CLVS1: variants seen among roughly 807,000 people sequenced by gnomAD.
CLVS1 encodes clavesin-1.
In CLVS1, 10 loss-of-function variants were observed where a neutral mutation model predicts 33.1. The ratio of observed to expected loss-of-function variants is 0.30; its 90% CI spans 0.19 to 0.51. The LOEUF is 0.51. CLVS1 is among the 20% of genes least tolerant of loss of function. The pLI is 0.97. For missense variants in CLVS1, 343 were observed against 433.4 expected, an observed-to-expected ratio of 0.79 and a Z score of 1.85; for synonymous variants, 163 against 166.1, an observed-to-expected ratio of 0.98 and a Z score of 0.14.
chr8:61,273,895 A>T (rs910577885), intron 2 of CLVS1: 1 of 158,598 alleles, frequency 6.3e-6, no homozygotes, highest in South Asian at 2.0e-4. Context: ...ACTGTCTGGC[A>T]CTCTCTAGTG....
chr8:61,268,714 T>C (rs199797719), intron 2 of CLVS1, among the ~76,000 whole-genome samples: 31,330 of 130,904 alleles, frequency 0.24, 4,307 homozygotes, highest in Non-Finnish European at 0.32. Context: ...CCATTCTAAC[T>C]GGTGTGAGAT....
At chr8:61,129,734 G>T (rs1806052098) in intron 1 of CLVS1, among the ~76,000 whole-genome samples, 1 of 152,134 alleles carries the variant, frequency 6.6e-6, no homozygotes, top group African/African-American at 2.4e-5. Context: ...ATCAGTGAAG[G>T]CTTTGCCCTG....
At chr8:61,367,156 C>A (rs1409697352) in intron 2 of CLVS1, among the ~76,000 whole-genome samples, 1 of 152,140 alleles carries the variant, frequency 6.6e-6, no homozygotes, top group Non-Finnish European at 1.5e-5. Context: ...AGCTGCTCGA[C>A]TCCAGTCCCC....
At chr8:61,419,252 C>T (rs2129604522) in intron 3 of CLVS1, among the ~76,000 whole-genome samples, 1 of 151,916 alleles carries the variant, frequency 6.6e-6, no homozygotes, top group African/African-American at 2.4e-5. Flanking sequence ...CGAAAATTAG[C>T]TGGGCATGGT....
intron 3 of CLVS1, among the ~76,000 whole-genome samples, chr8:61,379,092 C>A (rs1176294799): frequency 6.6e-6 from 1 of 152,176 alleles, no homozygotes; most frequent in Non-Finnish European, 1.5e-5. Context: ...CTCCCATGCA[C>A]CCTCAGAGAG....
intron 3 of CLVS1, among the ~76,000 whole-genome samples, chr8:61,442,287 T>A (rs1816580786): frequency 6.6e-6 from 1 of 152,230 alleles, no homozygotes; most frequent in Non-Finnish European, 1.5e-5. Flanking sequence ...TTGTTCTTTT[T>A]TATTGCCAAG....
intron 1 of CLVS1, among the ~76,000 whole-genome samples, chr8:61,070,878 A>G (rs1244057721): frequency 2.6e-5 from 4 of 152,172 alleles, no homozygotes; most frequent in Non-Finnish European, 5.9e-5. Flanking sequence ...TTGAAGGAGC[A>G]CCTATGAGTC....
chr8:61,360,808 T>G (rs1812942637), intron 2 of CLVS1, among the ~76,000 whole-genome samples: 1 of 152,358 alleles, frequency 6.6e-6, no homozygotes, highest in Middle Eastern at 3.4e-3. Flanking sequence ...GCTTAAATAA[T>G]AAGCAATAAA....
At chr8:61,413,747 A>G (rs757073164) in intron 3 of CLVS1, among the ~76,000 whole-genome samples, 90 of 152,202 alleles carry the variant, frequency 5.9e-4, no homozygotes, top group Non-Finnish European at 1.0e-3. Context: ...TAGACAAGGA[A>G]CAAATCTGTG....
intron 5 of CLVS1, among the ~76,000 whole-genome samples, chr8:61,488,647 C>A (rs1803960688): frequency 6.6e-6 from 1 of 152,158 alleles, no homozygotes; most frequent in Non-Finnish European, 1.5e-5. Flanking sequence ...GAGCTCCAAG[C>A]ACTTTATTGT....
upstream of CLVS1, among the ~76,000 whole-genome samples, chr8:61,284,306 T>G (rs986604733): frequency 6.6e-6 from 1 of 152,210 alleles, no homozygotes; most frequent in African/African-American, 2.4e-5. Context: ...TCCACTGCTA[T>G]AGCAGAATGA....
At chr8:61,341,751 G>A (rs1186381938) in intron 2 of CLVS1, among the ~76,000 whole-genome samples, 1 of 152,206 alleles carries the variant, frequency 6.6e-6, no homozygotes, top group Non-Finnish European at 1.5e-5. Context: ...AGGTGGAGGT[G>A]AAAGCCAGGG....
At chr8:61,287,362 T>A (rs1490106962), upstream of CLVS1, among the ~76,000 whole-genome samples, 1 of 152,218 alleles carries the variant, frequency 6.6e-6, no homozygotes, top group African/African-American at 2.4e-5. Context: ...GTTTCTCTTA[T>A]ATGTGATACT....
intron 2 of CLVS1, among the ~76,000 whole-genome samples, chr8:61,190,496 T>C (rs924686102): frequency 3.3e-5 from 5 of 152,158 alleles, no homozygotes; most frequent in Non-Finnish European, 5.9e-5. Flanking sequence ...ATTCAAAAGC[T>C]AGCAGAAGAC....
chr8:61,125,152 A>C (rs1248134485), intron 1 of CLVS1, among the ~76,000 whole-genome samples: 1 of 152,200 alleles, frequency 6.6e-6, no homozygotes, highest in African/African-American at 2.4e-5. Context: ...GGATACACTC[A>C]AAATGACAAT....
At chr8:61,414,806 G>A (rs1815366955) in intron 3 of CLVS1, among the ~76,000 whole-genome samples, 1 of 152,174 alleles carries the variant, frequency 6.6e-6, no homozygotes, top group Non-Finnish European at 1.5e-5. Flanking sequence ...GCTTCCCCCA[G>A]GCCTGCTTGG....
At chr8:61,195,899 T>A (rs960976765) in intron 2 of CLVS1, among the ~76,000 whole-genome samples, 2 of 152,148 alleles carry the variant, frequency 1.3e-5, no homozygotes, top group South Asian at 2.1e-4. Flanking sequence ...TTTACAAGTA[T>A]GTAATTAAAA....
chr8:60,972,471 GA>G, the CLVS1 span, among the ~76,000 whole-genome samples: 3 of 152,260 alleles, frequency 2.0e-5, no homozygotes, highest in East Asian at 5.8e-4. Flanking sequence ...AGGAGGATGA[GA>G]GGGGCCTGAA....
At chr8:61,291,526 G>C (rs1809990620) in intron 1 of CLVS1, among the ~76,000 whole-genome samples, 1 of 152,188 alleles carries the variant, frequency 6.6e-6, no homozygotes, top group African/African-American at 2.4e-5. Context: ...AAGTAGGAGA[G>C]AAGTTATGGG....
Sources: gnomAD v4.1 joint callset for allele counts (sites outside exome capture counted in the v4.1 genomes callset) on GRCh38, gnomAD v4.1.1 for gene constraint, MANE v1.5 for transcripts, NCBI Gene and HGNC (gene_info 2026-07-23, HGNC 2026-07-21) for gene names.